Variants in MIA2 observed in about 807,000 individuals in gnomAD.
MIA2 encodes MIA SH3 domain ER export factor 2.
MIA2 carries 127 observed loss-of-function variants against 167.8 expected under a neutral mutation model. That is an observed-to-expected ratio of 0.76 (90% CI 0.66 to 0.88). MIA2 has a LOEUF of 0.88. MIA2 is among the 40% of genes least tolerant of loss of function. The probability of loss-of-function intolerance (pLI) is 0.00; values close to 1 mark genes in which losing one functional copy is unlikely to be tolerated. For synonymous variants in MIA2, 552 were observed against 541.9 expected (o/e 1.02, Z -0.26); for missense variants, 1,690 against 1,624.7 (o/e 1.04, Z -0.69).
At chr14:39,295,267 G>C (rs1230092213) in intron 13 of MIA2, among the ~76,000 whole-genome samples, 1 of 152,084 alleles carries the variant, frequency 6.6e-6, no homozygotes, top group Non-Finnish European at 1.5e-5. Context: ...TAGCATTTTG[G>C]TAATCATAAC....
intron 23 of MIA2, among the ~76,000 whole-genome samples, chr14:39,371,435 T>C (rs2074944518): frequency 6.6e-6 from 1 of 152,206 alleles, no homozygotes; most frequent in East Asian, 1.9e-4. Context: ...AATTATTTTG[T>C]GAATATAGTG....
intron 23 of MIA2, among the ~76,000 whole-genome samples, chr14:39,357,559 G>T (rs1056956559): frequency 6.6e-6 from 1 of 152,076 alleles, no homozygotes; most frequent in African/African-American, 2.4e-5. Context: ...TACATTTAAG[G>T]TTAATATTGT....
intron 10 of MIA2, 165 bp downstream of exon 10, chr14:39,291,261 A>G: frequency 1.9e-6 from 1 of 533,380 alleles, no homozygotes; most frequent in Non-Finnish European, 3.1e-6. Flanking sequence ...GGACAATAGG[A>G]GGTAGCATAA....
chr14:39,386,125 T>A, intron 23 of MIA2: 1 of 1,314,008 alleles, frequency 7.6e-7, no homozygotes, highest in Non-Finnish European at 1.1e-6. Flanking sequence ...GCATTGGTCA[T>A]CTGACTCTGA....
At chr14:39,385,939 G>C (rs763514339) in intron 23 of MIA2, 10 of 826,898 alleles carry the variant, frequency 1.2e-5, no homozygotes, top group Non-Finnish European at 1.9e-5. Context: ...GGTGGGGAGA[G>C]ACACACTGAG....
At chr14:39,259,627 C>A (rs396992) in intron 6 of MIA2, among the ~76,000 whole-genome samples, 1 of 150,514 alleles carries the variant, frequency 6.6e-6, no homozygotes, top group Admixed American at 6.6e-5. Flanking sequence ...GCCTGCTGGG[C>A]TGAAGCAATC....
At chr14:39,237,194 C>T (rs767689593) in intron 2 of MIA2, 139 bp downstream of exon 2, 1 of 918,556 alleles carries the variant, frequency 1.1e-6, no homozygotes, top group South Asian at 1.4e-5. Context: ...GATCACAGCT[C>T]ACTACAACTT....
chr14:39,245,943 A>G (rs1195803841), intron 3 of MIA2, among the ~76,000 whole-genome samples: 1 of 152,074 alleles, frequency 6.6e-6, no homozygotes, highest in African/African-American at 2.4e-5. Context: ...AGGCAAACAC[A>G]CATGTGTTCA....
chr14:39,334,792 T>A (rs2069927450), intron 25 of MIA2, among the ~76,000 whole-genome samples: 1 of 152,154 alleles, frequency 6.6e-6, no homozygotes, highest in South Asian at 2.1e-4. Flanking sequence ...TGTCTCGAAC[T>A]CCTGACCTCA....
At chr14:39,292,870 A>G (rs1483790037) in intron 10 of MIA2, among the ~76,000 whole-genome samples, 1 of 152,092 alleles carries the variant, frequency 6.6e-6, no homozygotes, top group African/African-American at 2.4e-5. Flanking sequence ...CTTTAATTGT[A>G]TTAAATTGGC....
downstream of MIA2, among the ~76,000 whole-genome samples, chr14:39,352,482 C>T (rs1194876270): frequency 6.6e-6 from 1 of 152,052 alleles, no homozygotes; most frequent in African/African-American, 2.4e-5. Context: ...AATTCCCCTT[C>T]TTCCTTTTAC....
At chr14:39,342,986 G>GT (rs1200710618) in intron 25 of MIA2, among the ~76,000 whole-genome samples, 1 of 152,080 alleles carries the variant, frequency 6.6e-6, no homozygotes, top group Non-Finnish European at 1.5e-5. Flanking sequence ...ACCACAAAAT[G>GT]TTTAACCATT....
chr14:39,381,457 T>C (rs1263936429), intron 23 of MIA2, among the ~76,000 whole-genome samples: 1 of 152,184 alleles, frequency 6.6e-6, no homozygotes, highest in Non-Finnish European at 1.5e-5. Flanking sequence ...ATTGCTTATA[T>C]TTAAAAAGTA....
chr14:39,355,391 C>T (rs1359586655), downstream of MIA2, among the ~76,000 whole-genome samples: 13 of 152,206 alleles, frequency 8.5e-5, no homozygotes, highest in East Asian at 3.9e-4. Context: ...GTGATTTTTG[C>T]ACATTGATTT....
intron 23 of MIA2, among the ~76,000 whole-genome samples, chr14:39,378,184 C>T (rs1032356896): frequency 1.3e-5 from 2 of 152,148 alleles, no homozygotes; most frequent in African/African-American, 2.4e-5. Flanking sequence ...GTATATGTTA[C>T]TGAATTGTTA....
chr14:39,259,352 G>A (rs185625623), intron 6 of MIA2, among the ~76,000 whole-genome samples: 3 of 142,984 alleles, frequency 2.1e-5, no homozygotes, highest in Non-Finnish European at 3.2e-5. Context: ...CAGCCAAGGA[G>A]GCAGATTTTG....
chr14:39,277,672 T>TTA (rs1281463099), intron 7 of MIA2, among the ~76,000 whole-genome samples: 2 of 30,168 alleles, frequency 6.6e-5, no homozygotes, highest in South Asian at 1.3e-3. Context: ...GTAAGATCTT[T>TTA]TATATATATA....
intron 9 of MIA2, among the ~76,000 whole-genome samples, chr14:39,283,117 A>G (rs934756176): frequency 3.3e-5 from 5 of 152,136 alleles, no homozygotes; most frequent in African/African-American, 1.2e-4. Context: ...AATATATACC[A>G]CAGTTTCTTT....
chr14:39,381,364 T>C (rs965791144), intron 23 of MIA2, among the ~76,000 whole-genome samples: 4 of 152,354 alleles, frequency 2.6e-5, no homozygotes, highest in Non-Finnish European at 5.9e-5. Flanking sequence ...CACATCTTGA[T>C]AGCAGCTTTT....
Sources: gnomAD v4.1 joint callset for allele counts (sites outside exome capture counted in the v4.1 genomes callset) on GRCh38, gnomAD v4.1.1 for gene constraint, MANE v1.5 for transcripts, NCBI Gene and HGNC (gene_info 2026-07-23, HGNC 2026-07-21) for gene names.